The following RIF1 variants were observed in gnomAD, a reference collection of about 807,000 sequenced individuals.
The protein encoded by RIF1 is replication timing regulatory factor 1, also known as telomere-associated protein RIF1.
RIF1 carries 45 observed loss-of-function variants against 247.1 expected under a neutral mutation model. That is an observed-to-expected ratio of 0.18 (90% confidence interval 0.14 to 0.23). RIF1 has a LOEUF of 0.23. RIF1 is among the 10% of genes least tolerant of loss of function. The probability of loss-of-function intolerance (pLI) is 1.00; values close to 1 mark genes in which losing one functional copy is unlikely to be tolerated. For missense variants in RIF1, 2,967 were observed against 2,862.5 expected (o/e 1.04, Z -0.83); for synonymous variants, 1,087 against 978.8 (o/e 1.11, Z -2.06).
At chr2:151,491,830 G>T in intron 9 of RIF1, 1 of 1,373,580 alleles carries the variant, frequency 7.3e-7, no homozygotes, top group South Asian at 1.3e-5. Context: ...CCAATAACTT[G>T]AAAACCAAGG....
intron 6 of RIF1, among the ~76,000 whole-genome samples, chr2:151,417,793 C>G (rs1687469037): frequency 6.6e-6 from 1 of 152,142 alleles, no homozygotes; most frequent in Non-Finnish European, 1.5e-5. Context: ...CATGTAATTT[C>G]ATCATTGTGC....
intron 34 of RIF1, among the ~76,000 whole-genome samples, chr2:151,470,509 A>C (rs974621522): frequency 1.3e-5 from 2 of 152,136 alleles, no homozygotes; most frequent in African/African-American, 4.8e-5. Flanking sequence ...CTAATCTGTA[A>C]ATCCAAAACG....
intron 9 of RIF1, among the ~76,000 whole-genome samples, chr2:151,488,424 AGGGCTTGAGCCTAG>A (rs1485483848): frequency 6.7e-6 from 1 of 149,946 alleles, no homozygotes; most frequent in Non-Finnish European, 1.5e-5. Context: ...AAGCAGGCAG[AGGGCTTGAGCCTAG>A]GGGTTTGAGA....
chr2:151,437,226 A>G lies in RIF1; in HGVS notation c.1373-15A>G, dbSNP rs369223423. 360 of 1,573,328 alleles carry G rather than the reference A, an allele frequency of 2.3e-4. No homozygotes were observed. Among genetic ancestry groups the G allele is most frequent in the Non-Finnish European group, 6.2e-5 (71 of 1,144,476 alleles). On this transcript the variant is annotated splice_polypyrimidine_tract_variant and intron_variant, in intron 12 of 35. Coordinates refer to ENST00000444746, the MANE Select transcript of RIF1 (RefSeq NM_018151.5). Reference sequence around the variant, plus strand: ...CTGTTGTTTTACATAATTATCTTTTATTCTTCCCTTTCAGAGCCATTGGAA... The same window carrying G: ...CTGTTGTTTTACATAATTATCTTTTGTTCTTCCCTTTCAGAGCCATTGGAA...
rs760158660 is a variant in RIF1 at position 151,464,300 on chromosome 2, T to C, written c.4780T>C (p.Cys1594Arg). ...AGAAGAGAAAGTGGTGAAACAGGAA[T>C]GTATAAAAGCTGAAAATCAGTCACA... ...DQEEKVVKQE[C>R]IKAENQSHDY... The change falls in exon 30 of 36, where the codon TGT (cysteine) becomes CGT (arginine). Residue 1594 changes from cysteine to arginine, a missense_variant. By Grantham distance (180) the Cys-to-Arg change is radical. This residue lies in a region of RIF1 where 2,028 missense variants were observed against 1,825.6 expected (regional missense o/e 1.11). Coordinates refer to ENST00000444746, the MANE Select transcript of RIF1 (RefSeq NM_018151.5). 3.2e-5 allele frequency: 51 copies of C among 1,612,954 alleles called. No individual in the cohort carries two copies. The East Asian group carries it at 1.1e-3, about 36-fold the overall frequency.
intron 26 of RIF1, 52 bp from the exon 27 acceptor site, chr2:151,461,086 A>G (rs530113334): frequency 6.5e-7 from 1 of 1,532,040 alleles, no homozygotes; most frequent in Admixed American, 1.9e-5. Context: ...GAAATATTGG[A>G]AAATAATTTG....
chr2:151,484,199 C>CTTTCCAGA (rs2049346086), downstream of RIF1, among the ~76,000 whole-genome samples: 1 of 152,156 alleles, frequency 6.6e-6, no homozygotes, highest in Admixed American at 6.5e-5. Context: ...ATTTTCCAGG[C>CTTTCCAGA]TTTAAAGAAA....
the RIF1 span, chr2:151,531,850 G>T: frequency 1.2e-6 from 2 of 1,612,708 alleles, no homozygotes. Flanking sequence ...ATCCACAATT[G>T]AGGTAAATTT....
In RIF1 at chr2:151,475,279, CT is replaced by C; in HGVS notation, c.*210del. ...CCTTTTTTTTTTCATAATATGTATT[CT>C]TGGCTGCTATGCGTGGTTTTTCAGG... is the stretch of plus-strand genomic sequence containing the variant. On this transcript the variant is annotated 3_prime_UTR_variant, in exon 36 of 36. Coordinates refer to ENST00000444746, the MANE Select transcript of RIF1 (RefSeq NM_018151.5). 1 of 521,708 alleles carries C rather than the reference CT, an allele frequency of 1.9e-6. No individual in the cohort carries two copies. The highest frequency in any genetic ancestry group is 2.3e-5 in the South Asian group (1 of 44,036). The allele number at this position is 521,708 out of a possible 1,614,324, so 32.3% of individuals were successfully genotyped here.
chr2:151,459,293 C>T (rs765804132), intron 25 of RIF1, among the ~76,000 whole-genome samples: 2 of 152,142 alleles, frequency 1.3e-5, no homozygotes, highest in Non-Finnish European at 2.9e-5. Context: ...TAAATCTTTG[C>T]TGTCACATGG....
At chr2:151,471,727 A>G (rs1056280183) in intron 34 of RIF1, among the ~76,000 whole-genome samples, 4 of 152,050 alleles carry the variant, frequency 2.6e-5, no homozygotes, top group Admixed American at 6.6e-5. Context: ...CCATTGGCTT[A>G]TATCTCTGTT....
intron 9 of RIF1, among the ~76,000 whole-genome samples, chr2:151,429,312 C>G (rs1689648895): frequency 6.6e-6 from 1 of 152,052 alleles, no homozygotes; most frequent in Non-Finnish European, 1.5e-5. Flanking sequence ...TCCCGAGTAG[C>G]TGGGATTACA....
intron 10 of RIF1, chr2:151,496,973 T>TCTC: frequency 6.3e-7 from 1 of 1,580,908 alleles, no homozygotes; most frequent in Non-Finnish European, 8.6e-7. Flanking sequence ...TGTTTGACTC[T>TCTC]CTCCATCTCA....
intron 3 of RIF1, among the ~76,000 whole-genome samples, chr2:151,414,066 C>T (rs1225820125): frequency 1.3e-5 from 2 of 152,200 alleles, no homozygotes; most frequent in Admixed American, 1.3e-4. Flanking sequence ...AATCCCAGCA[C>T]TTTGGGAGGC....
In RIF1 at chr2:151,440,110, C is replaced by A; in HGVS notation, c.1630C>A (p.Pro544Thr). 1 of 1,576,896 alleles carries A rather than the reference C, an allele frequency of 6.3e-7. No individual in the cohort carries two copies. The highest frequency in any genetic ancestry group is 8.7e-7 in the Non-Finnish European group (1 of 1,154,710). ...AAGCATAGTAAAGTCTGAAGTATTT[C>A]CTGTATCAAAAACGCTGGTAAGTAT... The part of the protein sequence containing the change: ...LESIVKSEVF[P>T]VSKTLVLMEI... The change falls in exon 15 of 36, where the codon CCT becomes ACT. Residue 544 changes from proline (P) to threonine (T), a missense_variant. Physicochemically the swap from Pro to Thr is conservative, Grantham distance 38 (BLOSUM62 -1). Coordinates refer to ENST00000444746, the MANE Select transcript of RIF1 (RefSeq NM_018151.5).
At chr2:151,446,174 T>C (rs1057156472) in intron 19 of RIF1, among the ~76,000 whole-genome samples, 26 of 151,772 alleles carry the variant, frequency 1.7e-4, no homozygotes, top group Admixed American at 1.3e-4. Flanking sequence ...GTCCGGCTGA[T>C]TTTTTGTATT....
At chr2:151,528,610 C>T in the RIF1 span, among the ~76,000 whole-genome samples, 4 of 152,250 alleles carry the variant, frequency 2.6e-5, no homozygotes, top group Admixed American at 1.3e-4. Flanking sequence ...ATATATGTCC[C>T]CTCTAGCACT....
chr2:151,458,904 T>G lies in RIF1; in HGVS notation c.2949T>G (p.Ser983=). The G allele has an allele frequency of 6.3e-7, 1 of 1,581,162 alleles. No homozygotes were observed. The highest frequency in any genetic ancestry group is 8.7e-7 in the Non-Finnish European group (1 of 1,154,146). Reference sequence around the variant, plus strand: ...TGGAGGAATCCAGTGGACCATATTCTGATGGAGTAAGTTGGGGGGTTTTAT... The same window carrying G: ...TGGAGGAATCCAGTGGACCATATTCGGATGGAGTAAGTTGGGGGGTTTTAT... ...EMMEESSGPY[S]DGTENSQLNV... Residue 983 remains serine, a synonymous_variant, in exon 25 of 36, where the codon TCT becomes TCG. Coordinates refer to ENST00000444746, the MANE Select transcript of RIF1 (RefSeq NM_018151.5).
chr2:151,432,363 C>T (rs1690324674), intron 9 of RIF1, among the ~76,000 whole-genome samples: 1 of 152,144 alleles, frequency 6.6e-6, no homozygotes, highest in Admixed American at 6.6e-5. Context: ...CTTAATTTTA[C>T]ATATCCCCAG....
Sources: gnomAD v4.1 joint callset for allele counts (sites outside exome capture counted in the v4.1 genomes callset) on GRCh38, gnomAD v4.1.1 for gene constraint, gnomAD v4.1.1 regional missense constraint, MANE v1.5 for transcripts, NCBI Gene and HGNC (gene_info 2026-07-23, HGNC 2026-07-21) for gene names.